Variants in ARMC2 observed in about 807,000 individuals in gnomAD.
ARMC2 encodes armadillo repeat-containing protein 2.
ARMC2 carries 67 observed loss-of-function variants against 90.3 expected under a neutral mutation model. The observed-to-expected ratio is 0.74, with a 90% CI of 0.61 to 0.91. The LOEUF is 0.91. ARMC2 is among the 40% of genes least tolerant of loss of function. The pLI is 0.00. For missense variants in ARMC2, 920 were observed against 1,030.9 expected (o/e 0.89, Z 1.47); for synonymous variants, 393 against 393.0 (o/e 1.00, Z 0.00).
chr6:108,996,004 T>G, the ARMC2 span, among the ~76,000 whole-genome samples: 1 of 152,150 alleles, frequency 6.6e-6, no homozygotes, highest in Non-Finnish European at 1.5e-5. Context: ...CCTCTCCTCT[T>G]TCCTTCAGAG....
chr6:108,856,182 T>C (rs564066260), intron 2 of ARMC2, among the ~76,000 whole-genome samples: 1 of 152,332 alleles, frequency 6.6e-6, no homozygotes, highest in Admixed American at 6.5e-5. Context: ...TTTTATAGTT[T>C]TGTGTTTTAC....
rs74699819 is a variant in ARMC2, at chr6:108,863,441, G to A, written c.291+5170G>A. Among the ~76,000 whole-genome samples, 618 of 152,210 alleles carry A rather than the reference G, an allele frequency of 4.1e-3. 2 individuals are homozygous for A. Among genetic ancestry groups the A allele is most frequent in the African/African-American group, 0.014 (577 of 41,528 alleles). ...CTGCTATATAGGTGTGCCAGTTTACGTCTTTTTTCCTTCTTAGCAGCTCCC... is the reference window on the plus strand; with the variant it reads ...CTGCTATATAGGTGTGCCAGTTTACATCTTTTTTCCTTCTTAGCAGCTCCC... On this transcript the variant is annotated intron_variant, in intron 3 of 17. Coordinates refer to ENST00000392644, the MANE Select transcript of ARMC2 (RefSeq NM_032131.6).
At position 108,890,562 on chromosome 6, in the gene ARMC2, T is replaced by G. The variant is rs79338455; in HGVS notation, c.672-3905T>G. ...CAACATAGCAAGCTCCCCATCTCTATTTAAAAAAAAAAATTAATGATGAGG... is the reference window on the plus strand; with the variant it reads ...CAACATAGCAAGCTCCCCATCTCTAGTTAAAAAAAAAAATTAATGATGAGG... On this transcript the variant is annotated intron_variant, in intron 5 of 17. Coordinates refer to ENST00000392644, the MANE Select transcript of ARMC2 (RefSeq NM_032131.6). Among the ~76,000 whole-genome samples the G allele has an allele frequency of 4.1e-3, 615 of 151,728 alleles. 2 individuals carry two copies. The highest frequency in any genetic ancestry group is 0.014 in the African/African-American group (576 of 41,352).
At chr6:108,913,825 A>G (rs1289677166) in intron 10 of ARMC2, among the ~76,000 whole-genome samples, 2 of 152,170 alleles carry the variant, frequency 1.3e-5, no homozygotes, top group African/African-American at 4.8e-5. Flanking sequence ...CATTGTTCAC[A>G]CTGATGTGTT....
the ARMC2 span, among the ~76,000 whole-genome samples, chr6:109,027,013 T>C: frequency 6.6e-6 from 1 of 151,902 alleles, no homozygotes; most frequent in Non-Finnish European, 1.5e-5. Flanking sequence ...CTACTAAAAA[T>C]ACTAAAATTA....
At chr6:108,890,189 C>CAAAAAAAAAAAAAAAAAAA (rs869186045) in intron 5 of ARMC2, among the ~76,000 whole-genome samples, 7 of 64,250 alleles carry the variant, frequency 1.1e-4, no homozygotes, top group Non-Finnish European at 1.8e-4. Flanking sequence ...GACTCCGTCT[C>CAAAAAAAAAAAAAAAAAAA]AAAAAAAAAA....
chr6:108,898,706 G>T (rs1310354919), intron 6 of ARMC2, among the ~76,000 whole-genome samples: 1 of 152,332 alleles, frequency 6.6e-6, no homozygotes, highest in African/African-American at 2.4e-5. Flanking sequence ...AGGCTGGGGA[G>T]TTATATGACC....
intron 5 of ARMC2, among the ~76,000 whole-genome samples, chr6:108,879,024 C>T (rs1413084042): frequency 6.6e-6 from 1 of 150,954 alleles, no homozygotes; most frequent in Non-Finnish European, 1.5e-5. Flanking sequence ...TGTCCATCTA[C>T]CCATTCACCC....
chr6:108,973,897 AG>A lies in ARMC2; in HGVS notation c.*386del, dbSNP rs1778918830. The A allele has an allele frequency of 6.2e-6, 1 of 160,590 alleles. No homozygotes were observed. The highest frequency in any genetic ancestry group is 2.4e-5 in the African/African-American group (1 of 41,642). The allele number at this position is 160,590 out of a possible 1,614,324, so 9.9% of individuals were successfully genotyped here. ...AAGGCTGTTAGATTATATAGAAAGA[AG>A]GGTAGGCAACATGAGTGGAACACGT... is the stretch of plus-strand genomic sequence containing the variant. On this transcript the variant is annotated 3_prime_UTR_variant, in exon 18 of 18. Transcript: ENST00000392644.
At chr6:108,990,106 T>C in the ARMC2 span, among the ~76,000 whole-genome samples, 1 of 152,216 alleles carries the variant, frequency 6.6e-6, no homozygotes, top group African/African-American at 2.4e-5. Context: ...TCAGAGTTTG[T>C]GTGCATGTGT....
intron 8 of ARMC2, among the ~76,000 whole-genome samples, chr6:108,909,437 C>T (rs1235979275): frequency 6.6e-6 from 1 of 151,446 alleles, no homozygotes; most frequent in East Asian, 1.9e-4. Context: ...CGTCAGTAAT[C>T]CTATACTTTG....
the ARMC2 span, among the ~76,000 whole-genome samples, chr6:109,052,926 C>G: frequency 6.6e-6 from 1 of 152,090 alleles, no homozygotes; most frequent in African/African-American, 2.4e-5. Context: ...ATAATCTAGT[C>G]AAGGGAGACA....
rs770002812 is a variant in ARMC2, at chr6:108,953,348, C to A, written c.1912C>A (p.Leu638Met). The A allele has an allele frequency of 7.5e-6, 12 of 1,598,838 alleles. 1 individual carries two copies. The South Asian group carries it at 1.3e-4, about 18-fold the overall frequency. ...PGIVGLLLTT[L>M]EYKSLDDCEE... ...GATAGTGGGCCTGCTCCTGACCACGCTGGGTGAGAACCGCAGCCCACTGGC... is the reference window on the plus strand; with the variant it reads ...GATAGTGGGCCTGCTCCTGACCACGATGGGTGAGAACCGCAGCCCACTGGC... Residue 638 changes from leucine to methionine, a missense_variant, in exon 13 of 18, where the codon CTG becomes ATG. Leu to Met is a conservative substitution (Grantham distance 15). Coordinates refer to ENST00000392644, the MANE Select transcript of ARMC2 (RefSeq NM_032131.6).
intron 2 of ARMC2, among the ~76,000 whole-genome samples, chr6:108,856,216 A>T (rs920529275): frequency 6.6e-6 from 1 of 151,476 alleles, no homozygotes; most frequent in Non-Finnish European, 1.5e-5. Flanking sequence ...ATCCATTTTG[A>T]GTTAATTTTT....
At chr6:108,921,901 G>C (rs893746642) in intron 10 of ARMC2, among the ~76,000 whole-genome samples, 1 of 152,212 alleles carries the variant, frequency 6.6e-6, no homozygotes, top group African/African-American at 2.4e-5. Flanking sequence ...AATGCTTTTA[G>C]AGACCAGTGC....
chr6:109,019,888 A>T, the ARMC2 span, among the ~76,000 whole-genome samples: 1 of 152,248 alleles, frequency 6.6e-6, no homozygotes, highest in Admixed American at 6.5e-5. Context: ...TAGTTTGTAG[A>T]TCATAAATAC....
At chr6:108,907,454 CTTTCTTT>C (rs1772862757) in intron 8 of ARMC2, among the ~76,000 whole-genome samples, 1 of 106,352 alleles carries the variant, frequency 9.4e-6, no homozygotes, top group African/African-American at 3.6e-5. Flanking sequence ...TGTTTTCTTT[CTTTCTTT>C]TTTTTTTTTT....
chr6:108,897,640 T>TG (rs1386686639), intron 6 of ARMC2, among the ~76,000 whole-genome samples: 1 of 152,066 alleles, frequency 6.6e-6, no homozygotes, highest in Non-Finnish European at 1.5e-5. Context: ...TGTAGTATAA[T>TG]GGGAAGGCCT....
chr6:108,961,879 C>A, intron 14 of ARMC2, 135 bp from the exon 15 acceptor site: 1 of 978,626 alleles, frequency 1.0e-6, no homozygotes, highest in Non-Finnish European at 1.5e-6. Context: ...TTTCTTAGTT[C>A]TTGCTAAAGT....
Sources: gnomAD v4.1 joint callset for allele counts (sites outside exome capture counted in the v4.1 genomes callset) on GRCh38, gnomAD v4.1.1 for gene constraint, MANE v1.5 for transcripts, NCBI Gene and HGNC (gene_info 2026-07-23, HGNC 2026-07-21) for gene names.